Variants in TAOK1 observed in about 807,000 individuals in gnomAD.
The protein encoded by TAOK1 is serine/threonine-protein kinase TAO1.
In TAOK1, 21 loss-of-function variants were observed where a neutral mutation model predicts 138.3. That is an observed-to-expected ratio of 0.15 (90% CI 0.11 to 0.22). The LOEUF is 0.22. Ranked by LOEUF, TAOK1 falls within the 10% of genes least tolerant of loss-of-function variation. The probability of loss-of-function intolerance (pLI) is 1.00; values close to 1 mark genes in which losing one functional copy is unlikely to be tolerated. For missense variants in TAOK1, 651 were observed against 1,227.7 expected (o/e 0.53, Z 7.02); for synonymous variants, 361 against 398.4 (o/e 0.91, Z 1.12).
At chr17:29,421,543 G>C (rs564054575) in intron 1 of TAOK1, among the ~76,000 whole-genome samples, 3 of 152,286 alleles carry the variant, frequency 2.0e-5, no homozygotes, top group Admixed American at 1.3e-4. Flanking sequence ...TCTGGGCCTA[G>C]AGTTTTCTCT....
chr17:29,442,306 A>G (rs2029963632), intron 1 of TAOK1, among the ~76,000 whole-genome samples: 2 of 151,572 alleles, frequency 1.3e-5, no homozygotes, highest in Admixed American at 1.3e-4. Flanking sequence ...TAGGCCTCCC[A>G]AAGTGCTGGG....
At chr17:29,405,816 G>A (rs1040012761) in intron 1 of TAOK1, among the ~76,000 whole-genome samples, 1 of 152,106 alleles carries the variant, frequency 6.6e-6, no homozygotes, top group African/African-American at 2.4e-5. Flanking sequence ...AGTAAGTTAT[G>A]TAGCTTTCAT....
intron 8 of TAOK1, among the ~76,000 whole-genome samples, chr17:29,489,117 C>T (rs780437039): frequency 1.3e-5 from 2 of 152,094 alleles, no homozygotes; most frequent in African/African-American, 2.4e-5. Context: ...GGAAAATGTT[C>T]TTCTTTACAG....
chr17:29,468,430 C>G lies in TAOK1; in HGVS notation c.204+1214C>G, dbSNP rs778069319. Among the ~76,000 whole-genome samples the G allele has an allele frequency of 2.6e-5, 4 of 152,028 alleles. No homozygotes were observed. In the South Asian group the frequency reaches 6.2e-4, roughly 24 times the overall value. On this transcript the variant is annotated intron_variant, in intron 3 of 19. Coordinates refer to ENST00000261716, the MANE Select transcript of TAOK1 (RefSeq NM_020791.4). ...TGGATTGTAGGCGTAAGCCACCGCTCCCAGCCTTAATTTTTTAAACTGTCA... is the reference window on the plus strand; with the variant it reads ...TGGATTGTAGGCGTAAGCCACCGCTGCCAGCCTTAATTTTTTAAACTGTCA...
chr17:29,536,873 T>A (rs1193038290), intron 19 of TAOK1, among the ~76,000 whole-genome samples: 1 of 151,780 alleles, frequency 6.6e-6, no homozygotes, highest in Admixed American at 6.6e-5. Context: ...CTAATTTTTT[T>A]GTATTTTCAG....
At chr17:29,453,158 C>CTTT (rs1273106911) in intron 2 of TAOK1, among the ~76,000 whole-genome samples, 21 of 133,286 alleles carry the variant, frequency 1.6e-4, no homozygotes, top group Non-Finnish European at 3.4e-4. Flanking sequence ...TTCTGGCTTA[C>CTTT]TTTTTTTTTT....
intron 1 of TAOK1, among the ~76,000 whole-genome samples, chr17:29,417,460 T>C (rs959373391): frequency 6.6e-6 from 1 of 152,200 alleles, no homozygotes; most frequent in Non-Finnish European, 1.5e-5. Flanking sequence ...TCCACAAAAG[T>C]TTATTCTTAA....
intron 1 of TAOK1, among the ~76,000 whole-genome samples, chr17:29,397,184 A>G (rs1295313864): frequency 1.3e-5 from 2 of 151,488 alleles, no homozygotes; most frequent in African/African-American, 2.4e-5. Context: ...AGTCCCAGCT[A>G]CTCGGGAGGC....
intron 3 of TAOK1, among the ~76,000 whole-genome samples, chr17:29,468,411 G>A (rs2030734712): frequency 6.6e-6 from 1 of 150,516 alleles, no homozygotes; most frequent in Non-Finnish European, 1.5e-5. Context: ...TGCTTGGATT[G>A]TAGGCGTAAG....
intron 1 of TAOK1, among the ~76,000 whole-genome samples, chr17:29,431,716 T>C (rs910945497): frequency 1.3e-5 from 2 of 152,008 alleles, no homozygotes; most frequent in African/African-American, 2.4e-5. Context: ...CTCAGCTCAC[T>C]GCAACCTCCG....
At chr17:29,530,252 C>T (rs1453024129) in intron 17 of TAOK1, among the ~76,000 whole-genome samples, 155 bp from the exon 18 acceptor site, 1 of 152,106 alleles carries the variant, frequency 6.6e-6, no homozygotes, top group Non-Finnish European at 1.5e-5. Context: ...GGCCAAATAG[C>T]CAAGTGCAAA....
chr17:29,445,837 G>A (rs530621677), intron 1 of TAOK1, among the ~76,000 whole-genome samples: 1 of 152,206 alleles, frequency 6.6e-6, no homozygotes, highest in East Asian at 1.9e-4. Flanking sequence ...AATGAATTGG[G>A]AAATGTTCTC....
intron 15 of TAOK1, chr17:29,511,570 C>T (rs1028871896): frequency 6.6e-6 from 1 of 151,146 alleles, no homozygotes; most frequent in Admixed American, 6.6e-5. Context: ...TTTTTTGAGA[C>T]AGTCTTATTC....
At chr17:29,439,853 ACT>A (rs369400374) in intron 1 of TAOK1, among the ~76,000 whole-genome samples, 3 of 138,490 alleles carry the variant, frequency 2.2e-5, no homozygotes, top group African/African-American at 5.5e-5. Flanking sequence ...AGTGAAAAAG[ACT>A]CTGTCTCCTA....
chr17:29,480,871 C>CAAAAA (rs398070899), intron 7 of TAOK1, among the ~76,000 whole-genome samples: 4 of 96,836 alleles, frequency 4.1e-5, no homozygotes, highest in African/African-American at 1.7e-4. Context: ...CCCTGTCTCT[C>CAAAAA]AAAAAAAAAA....
intron 7 of TAOK1, among the ~76,000 whole-genome samples, chr17:29,481,472 G>A (rs571780085): frequency 6.6e-6 from 1 of 152,078 alleles, no homozygotes; most frequent in South Asian, 2.1e-4. Flanking sequence ...TTACAGGCGT[G>A]AACCACTGTG....
In TAOK1 at chr17:29,547,314, A is replaced by G. The variant is rs1229087216; in HGVS notation, c.*4292A>G. On this transcript the variant is annotated 3_prime_UTR_variant, in exon 20 of 20. Coordinates refer to ENST00000261716, the MANE Select transcript of TAOK1 (RefSeq NM_020791.4). ...ATCTAAGATTCTCCTGAACTGTAAA[A>G]TCAACAGGAAATGGCCACTGGGAGA... is the stretch of plus-strand genomic sequence containing the variant. The G allele has an allele frequency of 6.6e-6, 1 of 152,118 alleles. No individual in the cohort carries two copies. Among genetic ancestry groups the G allele is most frequent in the Non-Finnish European group, 1.5e-5 (1 of 67,976 alleles). 9.4% of individuals were successfully genotyped at this position (152,118 alleles called of 1,614,324 possible).
intron 1 of TAOK1, among the ~76,000 whole-genome samples, chr17:29,441,829 C>T (rs971803830): frequency 6.6e-5 from 10 of 151,784 alleles, no homozygotes; most frequent in South Asian, 2.1e-4. Context: ...ACCCAGGAGG[C>T]GGAGGTTGCA....
chr17:29,524,323 C>T (rs151246867), intron 17 of TAOK1, among the ~76,000 whole-genome samples: 7 of 152,294 alleles, frequency 4.6e-5, no homozygotes, highest in African/African-American at 1.7e-4. Context: ...AAGCCAACAG[C>T]ACCGAGGAAT....
Sources: allele counts gnomAD v4.1 joint callset (sites outside exome capture counted in the v4.1 genomes callset), GRCh38; gene constraint gnomAD v4.1.1; transcripts MANE v1.5; gene names NCBI Gene and HGNC (gene_info 2026-07-23, HGNC 2026-07-21).